Variants in ZNF385B observed in about 807,000 individuals in gnomAD.
ZNF385B encodes zinc finger protein 385B.
A neutral mutation model predicts 39.2 loss-of-function variants in ZNF385B; 23 were observed. The observed-to-expected ratio is 0.59, with a 90% CI of 0.42 to 0.83. The LOEUF (loss-of-function observed/expected upper bound fraction) is 0.83, where lower values mean the gene tolerates loss of function less well. Ranked by LOEUF, ZNF385B falls within the 40% of genes least tolerant of loss-of-function variation. ZNF385B has a pLI of 0.00. For missense variants in ZNF385B, 552 were observed against 598.9 expected (o/e 0.92, Z 0.82); for synonymous variants, 205 against 222.6 (o/e 0.92, Z 0.70).
intron 3 of ZNF385B, among the ~76,000 whole-genome samples, chr2:179,703,930 G>A (rs1699397270): frequency 6.6e-6 from 1 of 152,122 alleles, no homozygotes; most frequent in African/African-American, 2.4e-5. Context: ...TGAGAAATCA[G>A]GCTAGAAACA....
intron 6 of ZNF385B, among the ~76,000 whole-genome samples, chr2:179,469,713 A>T (rs1376228683): frequency 6.6e-6 from 1 of 152,148 alleles, no homozygotes; most frequent in African/African-American, 2.4e-5. Flanking sequence ...AAAAACAAGG[A>T]TGCTTGACCG....
intron 3 of ZNF385B, among the ~76,000 whole-genome samples, chr2:179,643,623 A>C (rs1289968198): frequency 6.6e-6 from 1 of 152,210 alleles, no homozygotes; most frequent in Non-Finnish European, 1.5e-5. Flanking sequence ...AAAAGGTAGC[A>C]TACGGTATGA....
chr2:179,720,953 G>A (rs962185271), intron 3 of ZNF385B, among the ~76,000 whole-genome samples: 1 of 122,950 alleles, frequency 8.1e-6, no homozygotes, highest in Non-Finnish European at 1.7e-5. Context: ...TTTTTTTGGA[G>A]AGACAAGGTC....
chr2:179,659,724 C>T (rs754427991), intron 3 of ZNF385B, among the ~76,000 whole-genome samples: 13 of 152,070 alleles, frequency 8.5e-5, no homozygotes, highest in African/African-American at 2.7e-4. Flanking sequence ...AACATATAGA[C>T]GTCCAAAATA....
At chr2:179,738,011 A>T (rs998961637) in intron 3 of ZNF385B, among the ~76,000 whole-genome samples, 1 of 152,216 alleles carries the variant, frequency 6.6e-6, no homozygotes, top group Non-Finnish European at 1.5e-5. Flanking sequence ...TGAAGTTAGA[A>T]GATCATCTAC....
At chr2:179,551,409 G>T (rs539162027) in intron 3 of ZNF385B, among the ~76,000 whole-genome samples, 61 of 150,738 alleles carry the variant, frequency 4.0e-4, no homozygotes, top group Non-Finnish European at 2.8e-4. Flanking sequence ...TAAGGTAGGG[G>T]CTGATAAGAC....
chr2:179,756,447 A>T (rs1703025188), intron 3 of ZNF385B, among the ~76,000 whole-genome samples: 1 of 152,010 alleles, frequency 6.6e-6, no homozygotes, highest in Non-Finnish European at 1.5e-5. Flanking sequence ...GAATGTGACA[A>T]TTATGTGTCT....
chr2:179,728,701 A>G (rs1701179264), intron 3 of ZNF385B, among the ~76,000 whole-genome samples: 1 of 152,172 alleles, frequency 6.6e-6, no homozygotes, highest in African/African-American at 2.4e-5. Context: ...AAAAATCTTT[A>G]ATACTGGTTT....
intron 1 of ZNF385B, among the ~76,000 whole-genome samples, chr2:179,780,377 G>A (rs531659430): frequency 1.3e-5 from 2 of 152,240 alleles, no homozygotes; most frequent in African/African-American, 4.8e-5. Flanking sequence ...GCAGGATGGG[G>A]CCTCCTGACC....
At position 179,458,487 on chromosome 2, in the gene ZNF385B, G is replaced by A. The variant is rs190046286; in HGVS notation, c.716-11717C>T. The stretch of plus-strand genomic sequence containing the variant: ...GACTAATACAGAATATTACAGGCAC[G>A]TCTTGTAGAGAACCAGATAAATAAG... On this transcript the variant is annotated intron_variant, in intron 6 of 9. Coordinates refer to ENST00000410066, the MANE Select transcript of ZNF385B (RefSeq NM_152520.6). 4.6e-5 allele frequency among the ~76,000 whole-genome samples: 7 copies of A among 152,258 alleles called. No homozygotes were observed. In the East Asian group the frequency reaches 1.2e-3, roughly 25 times the overall value.
chr2:179,616,905 C>G (rs1483968900), intron 3 of ZNF385B, among the ~76,000 whole-genome samples: 3 of 152,234 alleles, frequency 2.0e-5, no homozygotes, highest in Admixed American at 1.3e-4. Context: ...CTCCCCTCAT[C>G]TGCCTCTTAT....
intron 3 of ZNF385B, among the ~76,000 whole-genome samples, chr2:179,721,794 G>A (rs1575343232): frequency 6.6e-6 from 1 of 151,658 alleles, no homozygotes; most frequent in Non-Finnish European, 1.5e-5. Flanking sequence ...ATAAAGTAAA[G>A]AATAAAGGCA....
chr2:179,537,033 G>A (rs1030454483), intron 4 of ZNF385B, among the ~76,000 whole-genome samples: 10 of 150,554 alleles, frequency 6.6e-5, no homozygotes, highest in African/African-American at 2.2e-4. Flanking sequence ...AGGGACGGCC[G>A]GGATAGGTGG....
At chr2:179,736,458 T>C (rs990601005) in intron 3 of ZNF385B, among the ~76,000 whole-genome samples, 3 of 152,176 alleles carry the variant, frequency 2.0e-5, no homozygotes, top group Admixed American at 1.3e-4. Context: ...TTATTAACTA[T>C]TGGATTTGCT....
intron 3 of ZNF385B, among the ~76,000 whole-genome samples, chr2:179,572,902 T>C (rs1685395011): frequency 6.6e-6 from 1 of 152,192 alleles, no homozygotes; most frequent in African/African-American, 2.4e-5. Context: ...AGGGAATTCT[T>C]GAATGAGGCT....
rs190096640 is a variant in ZNF385B, at chr2:179,795,806, T to A, written c.-154-25134A>T. The stretch of plus-strand genomic sequence containing the variant: ...GACATTAAATTCCTGTTAGAAGTAA[T>A]CATATTTTAAATTATGAAGCAATCC... On this transcript the variant is annotated intron_variant, in intron 1 of 9. Coordinates refer to ENST00000410066, the MANE Select transcript of ZNF385B (RefSeq NM_152520.6). Among the ~76,000 whole-genome samples, 33 of 152,292 alleles carry A rather than the reference T, an allele frequency of 2.2e-4. No homozygotes were observed. In the East Asian group the frequency reaches 2.5e-3, roughly 12 times the overall value.
intron 6 of ZNF385B, among the ~76,000 whole-genome samples, chr2:179,462,732 T>C (rs2051481888): frequency 6.6e-6 from 1 of 152,298 alleles, no homozygotes; most frequent in South Asian, 2.1e-4. Flanking sequence ...TCATTTGTAG[T>C]GTAATGGGAC....
At chr2:179,629,020 TA>T (rs1690935791) in intron 3 of ZNF385B, among the ~76,000 whole-genome samples, 1 of 152,244 alleles carries the variant, frequency 6.6e-6, no homozygotes, top group South Asian at 2.1e-4. Flanking sequence ...TTGCAGTCAT[TA>T]TTTTTTTGAT....
intron 1 of ZNF385B, chr2:179,814,386 T>C (rs1706927480): frequency 2.6e-6 from 1 of 392,098 alleles, no homozygotes; most frequent in East Asian, 7.3e-5. Context: ...TAAGGTCTTG[T>C]ACAGCATCAT....
Sources: gnomAD v4.1 joint callset for allele counts (sites outside exome capture counted in the v4.1 genomes callset) on GRCh38, gnomAD v4.1.1 for gene constraint, MANE v1.5 for transcripts, NCBI Gene and HGNC (gene_info 2026-07-23, HGNC 2026-07-21) for gene names.